Variants in METTL16 observed in about 807,000 individuals in gnomAD.
METTL16 encodes the protein methyltransferase 16, RNA N6-adenosine.
Under a neutral mutation model 57.9 loss-of-function variants are expected in METTL16, and 19 were observed. The observed-to-expected ratio is 0.33, with a 90% CI of 0.23 to 0.48. The LOEUF is 0.48. Ranked by LOEUF, METTL16 falls within the 20% of genes least tolerant of loss-of-function variation. The probability of loss-of-function intolerance (pLI) is 0.99; values close to 1 mark genes in which losing one functional copy is unlikely to be tolerated. For missense variants in METTL16, 434 were observed against 691.5 expected, an observed-to-expected ratio of 0.63 and a Z score of 4.18; for synonymous variants, 246 against 255.6, an observed-to-expected ratio of 0.96 and a Z score of 0.36.
At chr17:2,473,155 C>A (rs532076005) in intron 4 of METTL16, among the ~76,000 whole-genome samples, 1 of 152,010 alleles carries the variant, frequency 6.6e-6, no homozygotes, top group African/African-American at 2.4e-5. Context: ...CTAAAAATGC[C>A]CTAAAAAATA....
intron 5 of METTL16, 115 bp from the exon 6 acceptor site, chr17:2,464,465 A>C: frequency 1.0e-6 from 1 of 969,268 alleles, no homozygotes; most frequent in Non-Finnish European, 1.4e-6. Context: ...TCCAAATAGT[A>C]TGCTAGATTT....
At chr17:2,506,631 C>T (rs938558115) in intron 1 of METTL16, among the ~76,000 whole-genome samples, 2 of 151,966 alleles carry the variant, frequency 1.3e-5, no homozygotes, top group African/African-American at 4.8e-5. Context: ...AATCGCGGCT[C>T]GCTACAACCT....
chr17:2,445,838 A>G (rs1451794890), intron 6 of METTL16, among the ~76,000 whole-genome samples: 2 of 151,784 alleles, frequency 1.3e-5, no homozygotes, highest in African/African-American at 4.8e-5. Flanking sequence ...GGTATATAAA[A>G]AAGGCTTTAA....
At chr17:2,502,386 G>T (rs778602886) in intron 1 of METTL16, 55 bp from the exon 2 acceptor site, 124 of 1,574,038 alleles carry the variant, frequency 7.9e-5, no homozygotes, top group South Asian at 1.0e-4. Context: ...AACCATTAAT[G>T]GGGGCCGGGT....
chr17:2,439,642 A>T (rs566330168), intron 7 of METTL16, among the ~76,000 whole-genome samples: 6 of 152,280 alleles, frequency 3.9e-5, no homozygotes, highest in East Asian at 1.9e-4. Flanking sequence ...AATAAAAATT[A>T]AAAAAATATT....
intron 8 of METTL16, among the ~76,000 whole-genome samples, chr17:2,423,714 TC>T (rs1439296921): frequency 2.0e-5 from 3 of 152,126 alleles, no homozygotes; most frequent in Non-Finnish European, 4.4e-5. Context: ...CCATCTCTTC[TC>T]ACAGAAGGAG....
intron 6 of METTL16, among the ~76,000 whole-genome samples, chr17:2,452,358 T>C (rs759263406): frequency 1.3e-5 from 2 of 152,022 alleles, no homozygotes; most frequent in African/African-American, 4.8e-5. Flanking sequence ...TCAGCAACAG[T>C]TGTATTTGTT....
chr17:2,458,696 A>T (rs1317095550), intron 6 of METTL16, among the ~76,000 whole-genome samples: 1 of 152,108 alleles, frequency 6.6e-6, no homozygotes, highest in Non-Finnish European at 1.5e-5. Flanking sequence ...TGGGTGACAG[A>T]GCAAGACTCT....
intron 6 of METTL16, among the ~76,000 whole-genome samples, chr17:2,442,895 T>TG (rs1311158628): frequency 2.0e-5 from 3 of 152,108 alleles, no homozygotes; most frequent in Non-Finnish European, 4.4e-5. Context: ...TGGTACCATC[T>TG]GGGCTCACCG....
rs1468627564 is a variant in METTL16 at position 2,417,737 on chromosome 17, A to G, written c.*2233T>C. 6.6e-6 allele frequency: 1 copy of G among 152,232 alleles called. No homozygotes were observed. Among genetic ancestry groups the G allele is most frequent in the East Asian group, 1.9e-4 (1 of 5,196 alleles). 9.4% of individuals were successfully genotyped at this position (152,232 alleles called of 1,614,324 possible). Reference sequence around the variant, plus strand: ...AGAGAGACTAGAAAGGAACACGCCAATGCCAAGAGTGGTTATGTTACAGAA... The same window carrying G: ...AGAGAGACTAGAAAGGAACACGCCAGTGCCAAGAGTGGTTATGTTACAGAA... On this transcript the variant is annotated 3_prime_UTR_variant, in exon 10 of 10. Coordinates refer to ENST00000263092, the MANE Select transcript of METTL16 (RefSeq NM_024086.4).
At chr17:2,454,918 ATTTAT>A (rs2067098011) in intron 6 of METTL16, among the ~76,000 whole-genome samples, 1 of 151,232 alleles carries the variant, frequency 6.6e-6, no homozygotes, top group South Asian at 2.1e-4. Flanking sequence ...TTGTTATCCT[ATTTAT>A]TTATTTATTA....
At chr17:2,469,803 G>A (rs1013754320) in intron 4 of METTL16, among the ~76,000 whole-genome samples, 19 of 152,192 alleles carry the variant, frequency 1.2e-4, no homozygotes, top group African/African-American at 4.6e-4. Flanking sequence ...TTACAGGTGT[G>A]AGCCACCGCA....
intron 6 of METTL16, among the ~76,000 whole-genome samples, chr17:2,462,519 A>C (rs2151562589): frequency 6.6e-6 from 1 of 152,274 alleles, no homozygotes; most frequent in Non-Finnish European, 1.5e-5. Context: ...AGTGTTGGCG[A>C]CGGGGCCTGC....
intron 1 of METTL16, among the ~76,000 whole-genome samples, chr17:2,503,156 T>C (rs1891308970): frequency 1.3e-5 from 2 of 152,212 alleles, no homozygotes; most frequent in Non-Finnish European, 2.9e-5. Flanking sequence ...GCAGTGTTCA[T>C]AGTAGTATCA....
chr17:2,498,807 G>A (rs1267540848), intron 2 of METTL16, among the ~76,000 whole-genome samples: 1 of 151,434 alleles, frequency 6.6e-6, no homozygotes, highest in Non-Finnish European at 1.5e-5. Context: ...TCCATACCAC[G>A]CCCTTAAGAA....
chr17:2,437,398 G>A (rs1218186623), intron 8 of METTL16, among the ~76,000 whole-genome samples: 1 of 152,108 alleles, frequency 6.6e-6, no homozygotes, highest in Non-Finnish European at 1.5e-5. Context: ...GGAGCCCCAA[G>A]AGGCAGCTAT....
chr17:2,467,008 G>A (rs1158327039), intron 5 of METTL16, among the ~76,000 whole-genome samples: 8 of 151,834 alleles, frequency 5.3e-5, no homozygotes, highest in African/African-American at 1.9e-4. Context: ...GCTTCACCAC[G>A]TTGCCCAGGC....
chr17:2,502,615 G>A (rs2067497690), intron 1 of METTL16, among the ~76,000 whole-genome samples: 1 of 151,938 alleles, frequency 6.6e-6, no homozygotes, highest in East Asian at 1.9e-4. Flanking sequence ...TTGAACCCAG[G>A]AGGTGGAGGG....
In METTL16 at chr17:2,416,413, T is replaced by G. The variant is rs1458224184; in HGVS notation, c.*3557A>C. On this transcript the variant is annotated 3_prime_UTR_variant, in exon 10 of 10. Transcript: ENST00000263092. ...AAGTTCGAGTGCTCACATGGTAAGC[T>G]TTGATTTCCATCGAGAGGAAAGGCT... 1 of 152,202 alleles carries G rather than the reference T, an allele frequency of 6.6e-6. No homozygotes were observed. Among genetic ancestry groups the G allele is most frequent in the Non-Finnish European group, 1.5e-5 (1 of 68,032 alleles). The allele number at this position is 152,202 out of a possible 1,614,324, so 9.4% of individuals were successfully genotyped here. A position where few individuals can be genotyped will look rare whatever the true frequency, so the allele number is the denominator to read the frequency against.
Sources: gnomAD v4.1 joint callset for allele counts (sites outside exome capture counted in the v4.1 genomes callset) on GRCh38, gnomAD v4.1.1 for gene constraint, MANE v1.5 for transcripts, NCBI Gene and HGNC (gene_info 2026-07-23, HGNC 2026-07-21) for gene names.